The following TAOK1 variants were observed in gnomAD, a reference collection of about 807,000 sequenced individuals.
TAOK1 encodes the protein serine/threonine-protein kinase TAO1.
A neutral mutation model predicts 138.3 loss-of-function variants in TAOK1; 21 were observed. The observed-to-expected ratio is 0.15, with a 90% CI of 0.11 to 0.22. The LOEUF (loss-of-function observed/expected upper bound fraction) is 0.22. TAOK1 is among the 10% of genes least tolerant of loss of function. The pLI is 1.00. For missense variants in TAOK1, 651 were observed against 1,227.7 expected, an observed-to-expected ratio of 0.53 and a Z score of 7.02; for synonymous variants, 361 against 398.4, an observed-to-expected ratio of 0.91 and a Z score of 1.12.
intron 17 of TAOK1, among the ~76,000 whole-genome samples, chr17:29,523,386 T>G (rs2031954680): frequency 6.6e-6 from 1 of 151,984 alleles, no homozygotes; most frequent in Admixed American, 6.6e-5. Context: ...TCTGAAGTTT[T>G]TGTTTGTTTG....
At chr17:29,494,225 A>T (rs1397505536) in intron 10 of TAOK1, among the ~76,000 whole-genome samples, 7 of 152,096 alleles carry the variant, frequency 4.6e-5, no homozygotes. Context: ...AATACTTATG[A>T]CTGTGAAAAT....
At chr17:29,413,554 C>T (rs1287494766) in intron 1 of TAOK1, among the ~76,000 whole-genome samples, 1 of 152,066 alleles carries the variant, frequency 6.6e-6, no homozygotes, top group African/African-American at 2.4e-5. Flanking sequence ...GGAGATCACG[C>T]CACTGCACTC....
chr17:29,398,504 CTTCTT>C (rs550236319), intron 1 of TAOK1, among the ~76,000 whole-genome samples: 25 of 150,100 alleles, frequency 1.7e-4, no homozygotes, highest in East Asian at 8.0e-4. Flanking sequence ...CTGCGCCAGG[CTTCTT>C]TTCTTTTCTT....
rs1013229722 is a variant in TAOK1, at chr17:29,550,388, G to T, written c.*7366G>T. On this transcript the variant is annotated 3_prime_UTR_variant, in exon 20 of 20. Coordinates refer to ENST00000261716, the MANE Select transcript of TAOK1 (RefSeq NM_020791.4). ...ACTTGTGTTGCTAAATTCTATTTATGTAAGTCTGCTAAAGTTTTTTAGCCC... is the reference window on the plus strand; with the variant it reads ...ACTTGTGTTGCTAAATTCTATTTATTTAAGTCTGCTAAAGTTTTTTAGCCC... 6.6e-6 allele frequency: 1 copy of T among 152,080 alleles called. No individual in the cohort carries two copies. Among genetic ancestry groups the T allele is most frequent in the African/African-American group, 2.4e-5 (1 of 41,404 alleles). The allele number at this position is 152,080 out of a possible 1,614,324, so 9.4% of individuals were successfully genotyped here.
intron 3 of TAOK1, among the ~76,000 whole-genome samples, chr17:29,473,329 A>G (rs1360418240): frequency 2.0e-5 from 3 of 152,078 alleles, no homozygotes; most frequent in South Asian, 2.1e-4. Context: ...ATATAAGGCT[A>G]TTTCATCTAC....
chr17:29,476,866 GAC>G (rs1181439298), intron 4 of TAOK1, among the ~76,000 whole-genome samples: 1 of 146,326 alleles, frequency 6.8e-6, no homozygotes, highest in East Asian at 2.0e-4. Context: ...TTTATTTTGA[GAC>G]AGAGTCTCAC....
intron 8 of TAOK1, 81 bp downstream of exon 8, chr17:29,482,369 T>C (rs749913585): frequency 1.5e-5 from 16 of 1,100,222 alleles, no homozygotes; most frequent in Admixed American, 2.3e-5. Context: ...ATAAAAATTA[T>C]AGATTTTTAT....
At chr17:29,410,624 T>G (rs1905116883) in intron 1 of TAOK1, among the ~76,000 whole-genome samples, 1 of 150,546 alleles carries the variant, frequency 6.6e-6, no homozygotes, top group Non-Finnish European at 1.5e-5. Flanking sequence ...TTTTTGTTTT[T>G]TTTTTTTTTG....
At chr17:29,465,108 A>G (rs1430102640) in intron 2 of TAOK1, among the ~76,000 whole-genome samples, 2 of 138,042 alleles carry the variant, frequency 1.4e-5, no homozygotes, top group Non-Finnish European at 3.1e-5. Context: ...GGCATAAGCC[A>G]CCATGCCTGG....
At chr17:29,518,771 T>C (rs1161100242) in intron 16 of TAOK1, among the ~76,000 whole-genome samples, 1 of 152,110 alleles carries the variant, frequency 6.6e-6, no homozygotes, top group Non-Finnish European at 1.5e-5. Flanking sequence ...TATTTATTTA[T>C]TTATTTATTT....
In TAOK1 at chr17:29,503,149, C is replaced by T. The variant is rs547140671; in HGVS notation, c.1338+426C>T. 2.5e-4 allele frequency among the ~76,000 whole-genome samples: 38 copies of T among 152,232 alleles called. 2 individuals are homozygous for T. In the South Asian group the frequency reaches 6.2e-3, roughly 25 times the overall value. ...CAGTGGCTCATGCCTGTAATCCCAG[C>T]ACTTTGGGAGGCCGAAGCGGGCGGA... On this transcript the variant is annotated intron_variant, in intron 13 of 19. Coordinates refer to ENST00000261716, the MANE Select transcript of TAOK1 (RefSeq NM_020791.4).
chr17:29,413,803 CTA>C (rs1905200720), intron 1 of TAOK1, among the ~76,000 whole-genome samples: 1 of 150,972 alleles, frequency 6.6e-6, no homozygotes, highest in Non-Finnish European at 1.5e-5. Flanking sequence ...TGTTCTGTGT[CTA>C]TGGATTTGGA....
rs776800160 is a variant in TAOK1 at position 29,502,657 on chromosome 17, A to C, written c.1272A>C (p.Gln424His). 1 of 1,614,090 alleles carries C rather than the reference A, an allele frequency of 6.2e-7. No individual in the cohort carries two copies. The highest frequency in any genetic ancestry group is 8.5e-7 in the Non-Finnish European group (1 of 1,179,996). The change falls in exon 13 of 20, where the codon CAA becomes CAC. Residue 424 changes from glutamine (Q) to histidine (H), a missense_variant. This residue lies in a region of TAOK1 where 104 missense variants were observed against 151.7 expected (regional missense o/e 0.69). Transcript: ENST00000261716. The stretch of plus-strand genomic sequence containing the variant: ...CATCAGATCCACAATCTCCACCCCA[A>C]GTATCTCGTCACAAATCACACTATC... ...TRASDPQSPP[Q>H]VSRHKSHYRN...
intron 1 of TAOK1, among the ~76,000 whole-genome samples, chr17:29,398,118 C>G (rs1377097231): frequency 6.6e-6 from 1 of 152,150 alleles, no homozygotes; most frequent in African/African-American, 2.4e-5. Flanking sequence ...GTCCTCCCTC[C>G]TCAGCATCCC....
chr17:29,539,268 CAACA>C (rs1242537875), intron 19 of TAOK1, among the ~76,000 whole-genome samples: 3 of 151,628 alleles, frequency 2.0e-5, no homozygotes, highest in Admixed American at 1.3e-4. Flanking sequence ...TCTCAGAAAA[CAACA>C]AACAAACATA....
At chr17:29,477,013 T>A (rs1402519011) in intron 4 of TAOK1, among the ~76,000 whole-genome samples, 1 of 151,980 alleles carries the variant, frequency 6.6e-6, no homozygotes, top group African/African-American at 2.4e-5. Context: ...ACCCAGCTAA[T>A]TTTTTATATT....
intron 2 of TAOK1, among the ~76,000 whole-genome samples, chr17:29,459,572 C>T (rs1440816571): frequency 2.6e-5 from 4 of 152,126 alleles, no homozygotes; most frequent in African/African-American, 4.8e-5. Context: ...TCACCACACC[C>T]GGCCTCATTC....
chr17:29,456,084 A>G (rs746016807), intron 2 of TAOK1, among the ~76,000 whole-genome samples: 1 of 150,474 alleles, frequency 6.6e-6, no homozygotes, highest in Non-Finnish European at 1.5e-5. Context: ...GCGGTGGCTC[A>G]TGCCTGTAAT....
chr17:29,412,084 C>T (rs1905159559), intron 1 of TAOK1, among the ~76,000 whole-genome samples: 1 of 143,898 alleles, frequency 6.9e-6, no homozygotes, highest in Non-Finnish European at 1.5e-5. Context: ...ACTCTGTCAC[C>T]CAGGCTGGAG....
Sources: allele counts gnomAD v4.1 joint callset (sites outside exome capture counted in the v4.1 genomes callset), GRCh38; gene constraint gnomAD v4.1.1; regional missense constraint gnomAD v4.1.1; transcripts MANE v1.5; gene names NCBI Gene and HGNC (gene_info 2026-07-23, HGNC 2026-07-21).